SNTB1: variants seen among roughly 807,000 people sequenced by gnomAD.
The protein encoded by SNTB1 is syntrophin beta 1, also known as beta-1-syntrophin.
A neutral mutation model predicts 48.9 loss-of-function variants in SNTB1; 36 were observed. That is an observed-to-expected ratio of 0.74 (90% confidence interval 0.56 to 0.97). The LOEUF (loss-of-function observed/expected upper bound fraction) is 0.97, where lower values mean the gene tolerates loss of function less well. Ranked by LOEUF, SNTB1 falls within the 50% of genes least tolerant of loss-of-function variation. SNTB1 has a pLI of 0.00. For synonymous variants in SNTB1, 299 were observed against 294.6 expected (o/e 1.01, Z -0.15); for missense variants, 786 against 703.4 (o/e 1.12, Z -1.33).
chr8:120,689,619 A>T (rs1030157106), intron 2 of SNTB1, among the ~76,000 whole-genome samples: 1 of 152,062 alleles, frequency 6.6e-6, no homozygotes, highest in African/African-American at 2.4e-5. Flanking sequence ...TCTCTTTATC[A>T]TTCCTTCTCT....
At chr8:120,735,422 C>T (rs1356005475) in intron 1 of SNTB1, among the ~76,000 whole-genome samples, 1 of 152,082 alleles carries the variant, frequency 6.6e-6, no homozygotes, top group Non-Finnish European at 1.5e-5. Flanking sequence ...GAAGCCCTAA[C>T]CCCCCAGGAC....
intron 2 of SNTB1, among the ~76,000 whole-genome samples, chr8:120,685,339 G>A (rs988078589): frequency 1.3e-5 from 2 of 152,220 alleles, no homozygotes; most frequent in African/African-American, 4.8e-5. Flanking sequence ...GCCCCACACG[G>A]CGTCCTTTGA....
intron 2 of SNTB1, among the ~76,000 whole-genome samples, chr8:120,657,221 T>C (rs964518162): frequency 6.6e-6 from 1 of 152,240 alleles, no homozygotes; most frequent in African/African-American, 2.4e-5. Flanking sequence ...ACATCCTTGA[T>C]GCCTCTTGTC....
intron 4 of SNTB1, among the ~76,000 whole-genome samples, chr8:120,565,984 G>A (rs1251689728): frequency 6.6e-6 from 1 of 152,092 alleles, no homozygotes. Context: ...TGAGGAAGGC[G>A]GATCACCTGA....
intron 1 of SNTB1, among the ~76,000 whole-genome samples, chr8:120,762,871 C>T (rs1339062110): frequency 6.6e-6 from 1 of 152,106 alleles, no homozygotes; most frequent in East Asian, 1.9e-4. Flanking sequence ...AACAAAATAA[C>T]TAATATTTAT....
intron 2 of SNTB1, among the ~76,000 whole-genome samples, chr8:120,634,891 G>A (rs367900449): frequency 2.1e-5 from 3 of 144,032 alleles, no homozygotes; most frequent in Non-Finnish European, 4.5e-5. Context: ...TCGCTCTGTC[G>A]CCCAGGCTGG....
chr8:120,613,531 C>T (rs1051983563), intron 3 of SNTB1, among the ~76,000 whole-genome samples: 8 of 152,038 alleles, frequency 5.3e-5, no homozygotes, highest in African/African-American at 1.7e-4. Flanking sequence ...ATCTCCTCTC[C>T]AGGCAACACT....
Position 120,811,535 on chromosome 8 carries a change from G to A in SNTB1, c.309C>T (p.Pro103=). 1.9e-6 allele frequency: 3 copies of A among 1,609,512 alleles called. No homozygotes were observed. ...CACGCTTCTGGTTCGAGATGGACTC[G>A]GGCACCTGCTCGGGCAGGTCGGTGA... ...TAFTDLPEQV[P]ESISNQKRGV... The change falls in exon 1 of 7, where the codon CCC becomes CCT. Residue 103 remains proline (P), a synonymous_variant. Transcript: ENST00000517992.
chr8:120,734,421 T>C (rs1433420698), intron 1 of SNTB1, among the ~76,000 whole-genome samples: 2 of 149,428 alleles, frequency 1.3e-5, no homozygotes, highest in Non-Finnish European at 2.9e-5. Context: ...CACTCCAGCC[T>C]GTGTGACAGA....
At chr8:120,711,074 C>G (rs1216736469) in intron 1 of SNTB1, among the ~76,000 whole-genome samples, 2 of 152,086 alleles carry the variant, frequency 1.3e-5, no homozygotes, top group Non-Finnish European at 2.9e-5. Context: ...CAAAACCCTA[C>G]TTTTTGGTGT....
chr8:120,690,016 A>T (rs6469945), intron 2 of SNTB1, among the ~76,000 whole-genome samples: 73,397 of 152,064 alleles, frequency 0.48, 23,150 homozygotes, highest in African/African-American at 0.87. Flanking sequence ...TAGTAAGTCG[A>T]CCCTTACTTA....
At chr8:120,569,641 T>C (rs1046665249) in intron 4 of SNTB1, among the ~76,000 whole-genome samples, 3 of 152,204 alleles carry the variant, frequency 2.0e-5, no homozygotes, top group African/African-American at 7.2e-5. Flanking sequence ...GTCACTTGCC[T>C]GAGTCGGGAC....
At chr8:120,691,963 T>A (rs1818135698) in intron 2 of SNTB1, among the ~76,000 whole-genome samples, 1 of 152,102 alleles carries the variant, frequency 6.6e-6, no homozygotes, top group Non-Finnish European at 1.5e-5. Flanking sequence ...AACCAGGATA[T>A]CGACTGCAGG....
At chr8:120,590,129 C>A (rs963383715) in intron 3 of SNTB1, among the ~76,000 whole-genome samples, 9 of 152,170 alleles carry the variant, frequency 5.9e-5, no homozygotes, top group Non-Finnish European at 1.2e-4. Flanking sequence ...CTTCATGCAG[C>A]TGTCTTTATG....
At chr8:120,679,323 A>C (rs1381586962) in intron 2 of SNTB1, among the ~76,000 whole-genome samples, 1 of 152,180 alleles carries the variant, frequency 6.6e-6, no homozygotes, top group Admixed American at 6.5e-5. Flanking sequence ...AAATCCAGTA[A>C]GGAACACAAA....
intron 2 of SNTB1, among the ~76,000 whole-genome samples, chr8:120,651,178 G>A (rs1044479617): frequency 3.3e-5 from 5 of 152,164 alleles, no homozygotes; most frequent in Non-Finnish European, 7.3e-5. Flanking sequence ...GTCCTCCAGG[G>A]CAGGTGGGCT....
At chr8:120,555,651 T>G (rs371391912) in intron 4 of SNTB1, among the ~76,000 whole-genome samples, 5 of 152,182 alleles carry the variant, frequency 3.3e-5, no homozygotes, top group East Asian at 1.9e-4. Flanking sequence ...GGGGCAGCTT[T>G]TCATTAAAAA....
At chr8:120,797,906 A>T (rs1220893391) in intron 1 of SNTB1, among the ~76,000 whole-genome samples, 1 of 151,900 alleles carries the variant, frequency 6.6e-6, no homozygotes, top group Non-Finnish European at 1.5e-5. Flanking sequence ...CCTTTATTCC[A>T]CGCCTAGCTT....
intron 4 of SNTB1, among the ~76,000 whole-genome samples, chr8:120,564,563 G>GTTT (rs1243511893): frequency 1.9e-4 from 7 of 36,242 alleles, no homozygotes; most frequent in East Asian, 1.3e-3. Flanking sequence ...CTATTATTCT[G>GTTT]GTTTTTTTTT....
Sources: allele counts gnomAD v4.1 joint callset (sites outside exome capture counted in the v4.1 genomes callset), GRCh38; gene constraint gnomAD v4.1.1; transcripts MANE v1.5; gene names NCBI Gene and HGNC (gene_info 2026-07-23, HGNC 2026-07-21).